KCNMB2: variants seen among roughly 807,000 people sequenced by gnomAD.
KCNMB2 encodes calcium-activated potassium channel subunit beta-2.
A neutral mutation model predicts 24.5 loss-of-function variants in KCNMB2; 9 were observed. The observed-to-expected ratio is 0.37, with a 90% confidence interval of 0.22 to 0.64. KCNMB2 has a LOEUF of 0.64. Among genes scored for constraint, KCNMB2 ranks in the 30% least tolerant of loss-of-function variants. The pLI is 0.63. For missense variants in KCNMB2, 226 were observed against 284.3 expected, an observed-to-expected ratio of 0.79 and a Z score of 1.47; for synonymous variants, 109 against 104.4, an observed-to-expected ratio of 1.04 and a Z score of -0.27.
At chr3:178,781,836 T>A (rs765797416) in intron 1 of KCNMB2, among the ~76,000 whole-genome samples, 24 of 150,616 alleles carry the variant, frequency 1.6e-4, no homozygotes, top group Middle Eastern at 3.4e-3. Flanking sequence ...CATGTGCACA[T>A]AGTGCAGGTT....
chr3:178,650,292 T>A (rs1720063572), intron 1 of KCNMB2, among the ~76,000 whole-genome samples: 1 of 152,166 alleles, frequency 6.6e-6, no homozygotes, highest in African/African-American at 2.4e-5. Flanking sequence ...ATAAGTGTGA[T>A]GTGGTGCTGA....
intron 1 of KCNMB2, among the ~76,000 whole-genome samples, chr3:178,700,820 A>G (rs543298629): frequency 1.4e-5 from 1 of 70,172 alleles, no homozygotes; most frequent in East Asian, 2.5e-4. Flanking sequence ...CTACTCTTCA[A>G]ACAAAGTTTT....
intron 1 of KCNMB2, among the ~76,000 whole-genome samples, chr3:178,626,229 C>A (rs1281727860): frequency 6.6e-6 from 1 of 152,166 alleles, no homozygotes; most frequent in Non-Finnish European, 1.5e-5. Flanking sequence ...ATCTGAACAC[C>A]AGTACTGTCA....
chr3:178,665,712 T>C (rs1366907884), intron 1 of KCNMB2, among the ~76,000 whole-genome samples: 3 of 152,132 alleles, frequency 2.0e-5, no homozygotes, highest in African/African-American at 2.4e-5. Flanking sequence ...TGGTTGGCAA[T>C]AGAGCAGCAC....
At chr3:178,629,477 T>C (rs1023906887) in intron 1 of KCNMB2, among the ~76,000 whole-genome samples, 1 of 152,054 alleles carries the variant, frequency 6.6e-6, no homozygotes, top group African/African-American at 2.4e-5. Flanking sequence ...TGTTACTTGG[T>C]TGGGGTGAGA....
At chr3:178,833,567 T>C (rs974943939) in intron 4 of KCNMB2, among the ~76,000 whole-genome samples, 2 of 152,146 alleles carry the variant, frequency 1.3e-5, no homozygotes, top group Non-Finnish European at 2.9e-5. Context: ...TCAACTCCCC[T>C]TCCTGTTATC....
intron 1 of KCNMB2, among the ~76,000 whole-genome samples, chr3:178,562,864 T>A (rs904377913): frequency 1.3e-5 from 2 of 152,184 alleles, no homozygotes; most frequent in African/African-American, 4.8e-5. Flanking sequence ...ACAAAGACAG[T>A]AAGCACTGAT....
At chr3:178,587,359 G>A (rs555589049) in intron 1 of KCNMB2, among the ~76,000 whole-genome samples, 1 of 152,192 alleles carries the variant, frequency 6.6e-6, no homozygotes, top group African/African-American at 2.4e-5. Context: ...GTGGAAGAAG[G>A]ACCCCTAGAG....
intron 1 of KCNMB2, among the ~76,000 whole-genome samples, chr3:178,652,215 C>T (rs1241745972): frequency 4.6e-5 from 7 of 151,956 alleles, no homozygotes; most frequent in Admixed American, 2.6e-4. Context: ...GGAACTTAAA[C>T]GAATTTACAT....
intron 1 of KCNMB2, among the ~76,000 whole-genome samples, chr3:178,745,681 G>A (rs781510784): frequency 4.6e-5 from 7 of 152,142 alleles, no homozygotes; most frequent in African/African-American, 1.4e-4. Context: ...AAGCAGGTTC[G>A]TTACTTCCTA....
chr3:178,552,440 C>T (rs989641519), intron 1 of KCNMB2, among the ~76,000 whole-genome samples: 1 of 152,006 alleles, frequency 6.6e-6, no homozygotes, highest in African/African-American at 2.4e-5. Flanking sequence ...GTTTGACAAC[C>T]CATTTCAGAC....
At chr3:178,660,980 C>T (rs1325026687) in intron 1 of KCNMB2, among the ~76,000 whole-genome samples, 1 of 122,446 alleles carries the variant, frequency 8.2e-6, no homozygotes, top group Non-Finnish European at 1.6e-5. Flanking sequence ...TATATATACA[C>T]ATACATATAT....
At chr3:178,671,898 G>A (rs957005094) in intron 1 of KCNMB2, among the ~76,000 whole-genome samples, 1 of 152,152 alleles carries the variant, frequency 6.6e-6, no homozygotes, top group Non-Finnish European at 1.5e-5. Flanking sequence ...AGTTCGTTGG[G>A]TAACTATGGA....
intron 1 of KCNMB2, among the ~76,000 whole-genome samples, chr3:178,638,426 C>T (rs1407018491): frequency 6.6e-6 from 1 of 152,120 alleles, no homozygotes; most frequent in East Asian, 1.9e-4. Context: ...TCCCCATTAT[C>T]TCTGCATGTC....
intron 1 of KCNMB2, among the ~76,000 whole-genome samples, chr3:178,633,327 A>G (rs1719393753): frequency 6.6e-6 from 1 of 152,182 alleles, no homozygotes; most frequent in Admixed American, 6.5e-5. Flanking sequence ...GAGGTTCTCC[A>G]TGAGGGCCCC....
intron 1 of KCNMB2, among the ~76,000 whole-genome samples, chr3:178,693,968 A>C (rs538198559): frequency 1.3e-5 from 2 of 151,914 alleles, no homozygotes; most frequent in South Asian, 4.2e-4. Context: ...TCAGGGATTA[A>C]ACGCATTCCT....
intron 1 of KCNMB2, among the ~76,000 whole-genome samples, chr3:178,682,913 C>A (rs376561267): frequency 1.3e-5 from 2 of 152,104 alleles, no homozygotes; most frequent in Non-Finnish European, 2.9e-5. Context: ...AATGCCTATA[C>A]ACTGTTGGTG....
intron 1 of KCNMB2, among the ~76,000 whole-genome samples, chr3:178,704,643 A>T (rs1722218484): frequency 6.6e-6 from 1 of 152,194 alleles, no homozygotes; most frequent in South Asian, 2.1e-4. Flanking sequence ...CTGTTTTTAA[A>T]GATACCTTGT....
intron 1 of KCNMB2, among the ~76,000 whole-genome samples, chr3:178,639,226 T>G (rs886308907): frequency 3.7e-4 from 56 of 152,226 alleles, no homozygotes; most frequent in Admixed American, 3.9e-4. Flanking sequence ...ATTAATTATC[T>G]CATTTAAGTC....
Sources: allele counts gnomAD v4.1 joint callset (sites outside exome capture counted in the v4.1 genomes callset), GRCh38; gene constraint gnomAD v4.1.1; transcripts MANE v1.5; gene names NCBI Gene and HGNC (gene_info 2026-07-23, HGNC 2026-07-21).